PCDH9: variants seen among roughly 807,000 people sequenced by gnomAD.
The protein encoded by PCDH9 is protocadherin-9.
Under a neutral mutation model 70.6 loss-of-function variants are expected in PCDH9, and 24 were observed. That is an observed-to-expected ratio of 0.34 (90% CI 0.25 to 0.48). The LOEUF (loss-of-function observed/expected upper bound fraction) is 0.48. PCDH9 is among the 20% of genes least tolerant of loss of function. PCDH9 has a pLI of 0.99. For missense variants in PCDH9, 1,281 were observed against 1,503.6 expected (o/e 0.85, Z 2.45); for synonymous variants, 562 against 558.5 (o/e 1.01, Z -0.09).
chr13:66,768,216 C>T (rs759726842), intron 3 of PCDH9, among the ~76,000 whole-genome samples: 2 of 151,526 alleles, frequency 1.3e-5, no homozygotes, highest in Non-Finnish European at 2.9e-5. Context: ...TGTAGATGTT[C>T]CCCCTATGGC....
intron 2 of PCDH9, among the ~76,000 whole-genome samples, chr13:67,117,282 GAATT>G (rs2086796960): frequency 6.6e-6 from 1 of 152,132 alleles, no homozygotes; most frequent in Non-Finnish European, 1.5e-5. Context: ...CGAGAGTAGG[GAATT>G]AATTGTGTTC....
At chr13:66,948,493 CT>C (rs2083125337) in intron 2 of PCDH9, among the ~76,000 whole-genome samples, 1 of 151,414 alleles carries the variant, frequency 6.6e-6, no homozygotes, top group African/African-American at 2.4e-5. Flanking sequence ...GATTTTCATG[CT>C]TATTTTTTTT....
chr13:66,700,922 A>AT (rs1566514236), intron 3 of PCDH9, among the ~76,000 whole-genome samples: 3 of 46,958 alleles, frequency 6.4e-5, no homozygotes, highest in Non-Finnish European at 8.2e-5. Context: ...GTGTACATAT[A>AT]AATATATATA....
intron 4 of PCDH9, among the ~76,000 whole-genome samples, chr13:66,626,932 AT>A (rs1377670658): frequency 6.1e-5 from 9 of 147,700 alleles, no homozygotes; most frequent in African/African-American, 2.2e-4. Context: ...GTAGGCCAGT[AT>A]TATTAGATCA....
At chr13:66,400,398 G>A (rs1464764496) in intron 4 of PCDH9, among the ~76,000 whole-genome samples, 4 of 152,066 alleles carry the variant, frequency 2.6e-5, no homozygotes, top group Non-Finnish European at 5.9e-5. Context: ...AAAAGGAAAT[G>A]CATAAGTATG....
At chr13:66,940,235 G>C (rs921556241) in intron 2 of PCDH9, among the ~76,000 whole-genome samples, 1 of 152,074 alleles carries the variant, frequency 6.6e-6, no homozygotes, top group Non-Finnish European at 1.5e-5. Context: ...TCAATTTGAA[G>C]GCACTTATAC....
At chr13:66,794,353 TA>T (rs2080206429) in intron 3 of PCDH9, among the ~76,000 whole-genome samples, 1 of 152,086 alleles carries the variant, frequency 6.6e-6, no homozygotes, top group Non-Finnish European at 1.5e-5. Context: ...TCTTTCCAAT[TA>T]ATACACACCA....
intron 4 of PCDH9, among the ~76,000 whole-genome samples, chr13:66,625,055 T>A (rs182434496): frequency 6.6e-6 from 1 of 151,066 alleles, no homozygotes; most frequent in Admixed American, 6.5e-5. Flanking sequence ...ATTATTATTA[T>A]TTTGATAGAG....
intron 2 of PCDH9, among the ~76,000 whole-genome samples, chr13:66,971,938 G>A (rs996212150): frequency 1.3e-4 from 19 of 151,800 alleles, no homozygotes; most frequent in African/African-American, 3.6e-4. Context: ...GATAATATTC[G>A]ATCTTAATAT....
At chr13:66,989,317 T>C (rs1366304218) in intron 2 of PCDH9, among the ~76,000 whole-genome samples, 2 of 151,888 alleles carry the variant, frequency 1.3e-5, no homozygotes, top group Admixed American at 6.6e-5. Flanking sequence ...CCCACCAAAA[T>C]CCCAAATGAC....
rs186861634 is a variant in PCDH9, at chr13:66,438,107, A to T, written c.3341-133079T>A. 8.6e-5 allele frequency among the ~76,000 whole-genome samples: 13 copies of T among 151,962 alleles called. 1 individual carries two copies. Among genetic ancestry groups the T allele is most frequent in the Non-Finnish European group, 1.5e-5 (1 of 67,942 alleles). On this transcript the variant is annotated intron_variant, in intron 4 of 4. Transcript: ENST00000377865. ...AAATTAGCTGAGTGTGATGGCATAC[A>T]TCTGTAATCCCGGATACTCAGGAGG...
intron 3 of PCDH9, among the ~76,000 whole-genome samples, chr13:66,699,814 G>A (rs996434698): frequency 6.6e-6 from 1 of 152,080 alleles, no homozygotes; most frequent in Non-Finnish European, 1.5e-5. Flanking sequence ...GCAAATACAA[G>A]TTGCAATTTG....
At chr13:66,995,738 TAAA>T (rs1426936156) in intron 2 of PCDH9, among the ~76,000 whole-genome samples, 1 of 152,146 alleles carries the variant, frequency 6.6e-6, no homozygotes, top group Non-Finnish European at 1.5e-5. Context: ...TCTCATTCTA[TAAA>T]AAGATTGAAA....
chr13:66,357,798 A>C (rs999390364), intron 4 of PCDH9, among the ~76,000 whole-genome samples: 1 of 152,098 alleles, frequency 6.6e-6, no homozygotes, highest in Non-Finnish European at 1.5e-5. Context: ...AGCTGAGAAC[A>C]CAGCTTAGAT....
chr13:67,042,893 CATAAA>C (rs2085150088), intron 2 of PCDH9, among the ~76,000 whole-genome samples: 1 of 151,600 alleles, frequency 6.6e-6, no homozygotes, highest in African/African-American at 2.4e-5. Flanking sequence ...TTAGAAATTA[CATAAA>C]AGGTAATCCC....
At chr13:67,147,415 T>C (rs1305309772) in intron 2 of PCDH9, among the ~76,000 whole-genome samples, 2 of 152,184 alleles carry the variant, frequency 1.3e-5, no homozygotes, top group Non-Finnish European at 2.9e-5. Flanking sequence ...AATGTGTATC[T>C]ACCAGAATAG....
chr13:67,226,941 T>C lies in PCDH9; in HGVS notation c.1500A>G (p.Lys500=). The stretch of plus-strand genomic sequence containing the variant: ...CAAGCTGATAAACAATGTCTGCATT[T>C]TTCCCACTGTCTTCATCTGTGGCAC... ...TISATDEDSG[K]NADIVYQLGP... is the part of the protein sequence containing the mutation. The change falls in exon 2 of 5, where the codon AAA becomes AAG. Residue 500 remains lysine (K), a synonymous_variant. Transcript: ENST00000377865. This position sits in a 1 kb window ranked among gnomAD's most constrained non-coding sequence, Gnocchi z 5.0. 1 of 1,614,240 alleles carries C rather than the reference T, an allele frequency of 6.2e-7. No individual in the cohort carries two copies. The highest frequency in any genetic ancestry group is 8.5e-7 in the Non-Finnish European group (1 of 1,180,042).
chr13:66,849,547 T>G (rs1252922289), intron 3 of PCDH9, among the ~76,000 whole-genome samples: 823 of 44,176 alleles, frequency 0.019, 1 homozygote, highest in African/African-American at 0.051. Context: ...GAGAGAGAGA[T>G]TGCAAATCTT....
intron 4 of PCDH9, among the ~76,000 whole-genome samples, chr13:66,526,091 T>A (rs1960206816): frequency 6.6e-6 from 1 of 152,126 alleles, no homozygotes; most frequent in South Asian, 2.1e-4. Context: ...GGTTTGGACA[T>A]GACTGATGCT....
Sources: gnomAD v4.1 joint callset for allele counts (sites outside exome capture counted in the v4.1 genomes callset) on GRCh38, gnomAD v4.1.1 for gene constraint, Gnocchi (gnomAD v3.1) non-coding constraint, MANE v1.5 for transcripts, NCBI Gene and HGNC (gene_info 2026-07-23, HGNC 2026-07-21) for gene names.